The following ADCY9 variants were observed in gnomAD, a reference collection of about 807,000 sequenced individuals.
ADCY9 encodes adenylate cyclase 9.
A neutral mutation model predicts 101.5 loss-of-function variants in ADCY9; 50 were observed. That is an observed-to-expected ratio of 0.49 (90% CI 0.39 to 0.62). The LOEUF (loss-of-function observed/expected upper bound fraction) is 0.62. ADCY9 is among the 20% of genes least tolerant of loss of function. The pLI, the probability that ADCY9 is intolerant of heterozygous loss-of-function variation, is 0.00. For synonymous variants in ADCY9, 905 were observed against 769.3 expected, an observed-to-expected ratio of 1.18 and a Z score of -2.92; for missense variants, 1,662 against 1,800.4, an observed-to-expected ratio of 0.92 and a Z score of 1.39.
At chr16:3,993,614 G>C (rs925609691) in intron 3 of ADCY9, 104 bp from the exon 4 acceptor site, 2 of 1,424,422 alleles carry the variant, frequency 1.4e-6, no homozygotes, top group Admixed American at 1.8e-5. Context: ...CAGCATGGTG[G>C]TGAGCAAGGG....
chr16:4,016,828 G>C (rs1007607404), intron 2 of ADCY9, among the ~76,000 whole-genome samples: 3 of 152,208 alleles, frequency 2.0e-5, no homozygotes, highest in African/African-American at 4.8e-5. Flanking sequence ...GTTTAGGAGA[G>C]AGAGGGTGTA....
intron 2 of ADCY9, among the ~76,000 whole-genome samples, chr16:4,008,281 C>T (rs1169939262): frequency 2.0e-5 from 3 of 151,860 alleles, no homozygotes; most frequent in East Asian, 3.9e-4. Context: ...AGCTAACAGC[C>T]GGACCCACAC....
intron 2 of ADCY9, among the ~76,000 whole-genome samples, chr16:4,103,894 A>T (rs1424817952): frequency 6.6e-6 from 1 of 152,190 alleles, no homozygotes; most frequent in African/African-American, 2.4e-5. Context: ...TGATTGGTTA[A>T]ATCGCAAGCT....
chr16:4,070,932 G>A (rs1203862615), intron 2 of ADCY9, among the ~76,000 whole-genome samples: 1 of 152,022 alleles, frequency 6.6e-6, no homozygotes, highest in Non-Finnish European at 1.5e-5. Context: ...TGGCAACAGA[G>A]AGAGTCTCCG....
intron 9 of ADCY9, among the ~76,000 whole-genome samples, chr16:3,977,119 G>A (rs954539391): frequency 3.9e-5 from 6 of 152,120 alleles, no homozygotes; most frequent in African/African-American, 1.4e-4. Context: ...CTGCAGCTCC[G>A]CTCTTTCATG....
intron 7 of ADCY9, among the ~76,000 whole-genome samples, chr16:3,979,682 TGGA>T (rs1166744437): frequency 1.3e-5 from 2 of 152,200 alleles, no homozygotes; most frequent in Non-Finnish European, 2.9e-5. Flanking sequence ...TGGAATTCTG[TGGA>T]GCCCGTGCAG....
intron 3 of ADCY9, among the ~76,000 whole-genome samples, chr16:3,996,167 C>T (rs1009333621): frequency 6.6e-6 from 1 of 152,078 alleles, no homozygotes; most frequent in African/African-American, 2.4e-5. Context: ...TCAAGACCAG[C>T]CTGGGCAACA....
At chr16:4,057,117 C>G (rs567966600) in intron 2 of ADCY9, among the ~76,000 whole-genome samples, 14 of 145,210 alleles carry the variant, frequency 9.6e-5, no homozygotes, top group Non-Finnish European at 1.8e-4. Context: ...AACAAAAAGC[C>G]TCATTTTAAA....
At position 3,977,352 on chromosome 16, in the gene ADCY9, AT is replaced by A. The variant is rs932139100; in HGVS notation, c.2828+129del. On this transcript the variant is annotated intron_variant, in intron 9 of 10. Coordinates refer to ENST00000294016, the MANE Select transcript of ADCY9 (RefSeq NM_001116.4). ...TTTGGTATGATGTGTGCTGACAGCT[AT>A]TTTGGGTCATGATGGGAAATATCTC... 26 of 1,218,588 alleles carry A rather than the reference AT, an allele frequency of 2.1e-5. No homozygotes were observed. In the African/African-American group the frequency reaches 3.6e-4, roughly 17 times the overall value. The allele number at this position is 1,218,588 out of a possible 1,614,324, so 75.5% of individuals were successfully genotyped here.
At chr16:4,076,545 G>A (rs2056868394) in intron 2 of ADCY9, among the ~76,000 whole-genome samples, 1 of 152,202 alleles carries the variant, frequency 6.6e-6, no homozygotes, top group Non-Finnish European at 1.5e-5. Context: ...TAAGGTCTAA[G>A]TGGATCTTGT....
chr16:3,989,943 T>C (rs1004793252), intron 5 of ADCY9, among the ~76,000 whole-genome samples: 2 of 152,232 alleles, frequency 1.3e-5, no homozygotes, highest in African/African-American at 2.4e-5. Context: ...TTGTCACATA[T>C]GCAGATTGCA....
At chr16:4,113,614 C>T (rs2057127469) in intron 2 of ADCY9, 136 bp downstream of exon 2, 3 of 1,171,122 alleles carry the variant, frequency 2.6e-6, no homozygotes, top group Non-Finnish European at 3.6e-6. Context: ...GTCACACTGA[C>T]CCTGAGATCC....
intron 2 of ADCY9, among the ~76,000 whole-genome samples, chr16:4,018,523 A>G (rs2056453565): frequency 6.6e-6 from 1 of 152,114 alleles, no homozygotes; most frequent in South Asian, 2.1e-4. Context: ...GATGCTGAAC[A>G]TGCGTGACTA....
chr16:4,097,329 A>G (rs2057010037), intron 2 of ADCY9, among the ~76,000 whole-genome samples: 1 of 151,262 alleles, frequency 6.6e-6, no homozygotes, highest in African/African-American at 2.4e-5. Context: ...CGGAGCCTCT[A>G]TTTAATGAAC....
chr16:4,034,692 T>C (rs1043278678), intron 2 of ADCY9, among the ~76,000 whole-genome samples: 2 of 152,184 alleles, frequency 1.3e-5, no homozygotes, highest in South Asian at 4.1e-4. Context: ...GCGCTGGGAT[T>C]ACAGGCATGA....
In ADCY9 at chr16:4,113,650, C is replaced by G. The variant is rs549879542; in HGVS notation, c.1693+100G>C. 1.5e-5 allele frequency: 22 copies of G among 1,455,832 alleles called. No homozygotes were observed. In the South Asian group the frequency reaches 3.0e-4, roughly 20 times the overall value. 90.2% of individuals were successfully genotyped at this position (1,455,832 alleles called of 1,614,324 possible). The stretch of plus-strand genomic sequence containing the variant: ...CCCCATGGTAAGGCATTCTGAGATA[C>G]CTGAGCTGTCTGCAGACACTGAGGC... On this transcript the variant is annotated intron_variant, in intron 2 of 10. Coordinates refer to ENST00000294016, the MANE Select transcript of ADCY9 (RefSeq NM_001116.4).
chr16:3,980,154 G>A (rs1030538595), intron 7 of ADCY9, among the ~76,000 whole-genome samples: 10 of 152,240 alleles, frequency 6.6e-5, no homozygotes, highest in Admixed American at 3.9e-4. Context: ...TCTGTTGTAC[G>A]TGAGGTCCAG....
chr16:3,959,948 C>T (rs2055929181), downstream of ADCY9, among the ~76,000 whole-genome samples: 1 of 152,072 alleles, frequency 6.6e-6, no homozygotes, highest in East Asian at 1.9e-4. Flanking sequence ...ATTGTTTGAA[C>T]CCAGGAGGTG....
At chr16:4,005,633 C>T (rs576030472) in intron 3 of ADCY9, among the ~76,000 whole-genome samples, 62 of 152,232 alleles carry the variant, frequency 4.1e-4, no homozygotes, top group African/African-American at 1.4e-3. Context: ...CTCATTCCGA[C>T]CAAAACAAAT....
Sources: allele counts gnomAD v4.1 joint callset (sites outside exome capture counted in the v4.1 genomes callset), GRCh38; gene constraint gnomAD v4.1.1; transcripts MANE v1.5; gene names NCBI Gene and HGNC (gene_info 2026-07-23, HGNC 2026-07-21).